The following COG5 variants were observed in gnomAD, a reference collection of about 807,000 sequenced individuals.
COG5 encodes the protein component of oligomeric golgi complex 5.
In COG5, 86 loss-of-function variants were observed where a neutral mutation model predicts 110.4. The observed-to-expected ratio is 0.78, with a 90% CI of 0.65 to 0.93. COG5 has a LOEUF of 0.93. Among genes scored for constraint, COG5 ranks in the 40% least tolerant of loss-of-function variants. The pLI, the probability that COG5 is intolerant of heterozygous loss-of-function variation, is 0.00. For synonymous variants in COG5, 360 were observed against 334.6 expected, an observed-to-expected ratio of 1.08 and a Z score of -0.83; for missense variants, 1,077 against 987.0, an observed-to-expected ratio of 1.09 and a Z score of -1.22.
chr7:107,549,558 ATTT>A (rs764100280), intron 3 of COG5, among the ~76,000 whole-genome samples: 3 of 137,720 alleles, frequency 2.2e-5, no homozygotes, highest in Non-Finnish European at 3.1e-5. Flanking sequence ...CGCCCAGCTA[ATTT>A]TTTTTTTTTT....
chr7:107,201,904 A>T lies in COG5; in HGVS notation c.*1612T>A, dbSNP rs1798347588. On this transcript the variant is annotated 3_prime_UTR_variant, in exon 22 of 22. Coordinates refer to ENST00000297135, the MANE Select transcript of COG5 (RefSeq NM_006348.5). The stretch of plus-strand genomic sequence containing the variant: ...CGGCCTTTCCTCTAGTAACCACCAC[A>T]TGGCTCAGCATCTGTGCCAAACATA... The T allele has an allele frequency of 6.5e-6, 1 of 153,110 alleles. No homozygotes were observed. The highest frequency in any genetic ancestry group is 2.1e-4 in the South Asian group (1 of 4,844). The allele number at this position is 153,110 out of a possible 1,614,324, so 9.5% of individuals were successfully genotyped here. A position where few individuals can be genotyped will look rare whatever the true frequency, so the allele number is the denominator to read the frequency against.
chr7:107,412,598 T>A lies in COG5; in HGVS notation c.573A>T (p.Ile191=), dbSNP rs1047776243. 1.9e-6 allele frequency: 3 copies of A among 1,576,934 alleles called. No individual in the cohort carries two copies. The highest frequency in any genetic ancestry group is 2.6e-6 in the Non-Finnish European group (3 of 1,147,204). The change falls in exon 7 of 22, where the codon ATA becomes ATT. Residue 191 remains isoleucine (I), a synonymous_variant. Transcript: ENST00000297135. ...YLSQGIDLSG[I]EVIENDLLFI... is the part of the protein sequence containing the mutation. Reference sequence around the variant, plus strand: ...AAAGTAGATCATTTTCTATCACTTCTATTCCAGAAAGATCTATTCCTTGAG... The same window carrying A: ...AAAGTAGATCATTTTCTATCACTTCAATTCCAGAAAGATCTATTCCTTGAG...
chr7:107,563,490 G>A, intron 1 of COG5: 1 of 436,282 alleles, frequency 2.3e-6, no homozygotes, highest in Non-Finnish European at 4.3e-6. Context: ...GCCGGTGGCT[G>A]CCAACGCGGT....
intron 19 of COG5, among the ~76,000 whole-genome samples, chr7:107,221,973 T>A (rs1799963696): frequency 6.6e-6 from 1 of 152,080 alleles, no homozygotes; most frequent in South Asian, 2.1e-4. Context: ...TTCCAATATA[T>A]TCTTGACGCA....
Position 107,230,703 on chromosome 7 carries a change from A to G in COG5, c.2092-12T>C. ...ACAGCCAACTCCATCTGAAATATTA[A>G]AATATACTCCATTGTTGTAATGTCA... is the stretch of plus-strand genomic sequence containing the variant. On this transcript the variant is annotated splice_polypyrimidine_tract_variant and intron_variant, in intron 18 of 21. Transcript: ENST00000297135. The G allele has an allele frequency of 6.3e-7, 1 of 1,579,982 alleles. No homozygotes were observed. Among genetic ancestry groups the G allele is most frequent in the South Asian group, 1.1e-5 (1 of 90,404 alleles).
At position 107,385,324 on chromosome 7, in the gene COG5, T is replaced by C. The variant is rs577195233; in HGVS notation, c.670-12564A>G. 8.5e-5 allele frequency among the ~76,000 whole-genome samples: 13 copies of C among 152,320 alleles called. No individual in the cohort carries two copies. The East Asian group carries it at 1.5e-3, about 18-fold the overall frequency. On this transcript the variant is annotated intron_variant, in intron 7 of 21. Coordinates refer to ENST00000297135, the MANE Select transcript of COG5 (RefSeq NM_006348.5). ...GAACTGTGAGAAAATACGTTTCTAT[T>C]GTTTTAAGCCACCCCAGTTGTGGCA...
rs1813203108 is a variant in COG5, at chr7:107,362,405, G to C, written c.851C>G (p.Ser284Cys). 6.2e-7 allele frequency: 1 copy of C among 1,613,050 alleles called. No homozygotes were observed. The highest frequency in any genetic ancestry group is 1.1e-5 in the South Asian group (1 of 91,072). Residue 284 changes from serine (S) to cysteine (C), a missense_variant, in exon 9 of 22, where the codon TCT becomes TGT. Ser to Cys is a moderately radical substitution (Grantham distance 112). Transcript: ENST00000297135. ...QSAVRGGPGRSTMPTPGNTAA... is the reference protein window; with the variant it reads ...QSAVRGGPGRCTMPTPGNTAA... ...AGTATTTCCTGGGGTTGGCATGGTA[G>C]ATCGTCCAGGTCCCCCTGGTTATGA...
rs1802589212 is a variant in COG5, at chr7:107,548,123, T to C, written c.405A>G (p.Leu135=). Residue 135 remains leucine, a synonymous_variant, in exon 5 of 22, where the codon CTA becomes CTG. Coordinates refer to ENST00000297135, the MANE Select transcript of COG5 (RefSeq NM_006348.5). ...YNKIVARTAQ[L]ARLQVACDLL... ...AGTAAGAAACTACCTGAAGTCTTGCTAGTTGTGCAGTCCGGGCAACTATCT... is the reference window on the plus strand; with the variant it reads ...AGTAAGAAACTACCTGAAGTCTTGCCAGTTGTGCAGTCCGGGCAACTATCT... 1 of 1,613,492 alleles carries C rather than the reference T, an allele frequency of 6.2e-7. No homozygotes were observed. Among genetic ancestry groups the C allele is most frequent in the South Asian group, 1.1e-5 (1 of 91,018 alleles).
At position 107,203,054 on chromosome 7, in the gene COG5, G is replaced by A. The variant is rs968822130; in HGVS notation, c.*462C>T. The A allele has an allele frequency of 1.8e-5, 3 of 166,162 alleles. No individual in the cohort carries two copies. Among genetic ancestry groups the A allele is most frequent in the Non-Finnish European group, 3.9e-5 (3 of 76,124 alleles). 10.3% of individuals were successfully genotyped at this position (166,162 alleles called of 1,614,324 possible). A position where few individuals can be genotyped will look rare whatever the true frequency, so the allele number is the denominator to read the frequency against. On this transcript the variant is annotated 3_prime_UTR_variant, in exon 22 of 22. Transcript: ENST00000297135. Reference sequence around the variant, plus strand: ...AATGTGGAGTGCAAGTTGGGCATCAGGATTTTAAAAAAATCCCCTGGTGAT... The same window carrying A: ...AATGTGGAGTGCAAGTTGGGCATCAAGATTTTAAAAAAATCCCCTGGTGAT...
chr7:107,327,175 C>T (rs541848280), intron 10 of COG5, among the ~76,000 whole-genome samples: 118 of 151,922 alleles, frequency 7.8e-4, no homozygotes, highest in Non-Finnish European at 1.4e-3. Context: ...AACAAGGGTG[C>T]CAAGGCTACA....
At chr7:107,337,208 A>T (rs768782516) in intron 10 of COG5, among the ~76,000 whole-genome samples, 2 of 152,204 alleles carry the variant, frequency 1.3e-5, no homozygotes, top group African/African-American at 2.4e-5. Flanking sequence ...TGGAAAGGTA[A>T]ATTAGTGTAG....
chr7:107,376,847 T>C (rs1225260535), intron 7 of COG5, among the ~76,000 whole-genome samples: 1 of 152,118 alleles, frequency 6.6e-6, no homozygotes, highest in Admixed American at 6.5e-5. Flanking sequence ...TGATTTTGAA[T>C]GTTATTAAGT....
At chr7:107,488,692 C>G (rs576993775) in intron 6 of COG5, among the ~76,000 whole-genome samples, 2 of 151,744 alleles carry the variant, frequency 1.3e-5, no homozygotes, top group East Asian at 3.9e-4. Context: ...ACAAAAAATA[C>G]AAAAATTAGT....
chr7:107,533,294 G>A (rs1181613836), intron 5 of COG5, among the ~76,000 whole-genome samples: 1 of 151,508 alleles, frequency 6.6e-6, no homozygotes, highest in African/African-American at 2.4e-5. Flanking sequence ...ACCAGCAAGG[G>A]AACAAAAGTG....
intron 12 of COG5, among the ~76,000 whole-genome samples, chr7:107,285,255 G>C (rs1034272709): frequency 2.0e-5 from 3 of 152,132 alleles, no homozygotes; most frequent in Non-Finnish European, 4.4e-5. Context: ...AAAGAACTTA[G>C]TATCTAAATG....
chr7:107,391,416 A>C (rs1054299623), intron 7 of COG5, among the ~76,000 whole-genome samples: 2 of 152,180 alleles, frequency 1.3e-5, no homozygotes, highest in African/African-American at 4.8e-5. Context: ...CAAATATTTC[A>C]GCCTGTTCTA....
chr7:107,506,430 T>G (rs1265156623), intron 6 of COG5, among the ~76,000 whole-genome samples: 1 of 152,114 alleles, frequency 6.6e-6, no homozygotes, highest in Non-Finnish European at 1.5e-5. Context: ...AGGTCCCTGC[T>G]CTGACTCTCC....
intron 10 of COG5, among the ~76,000 whole-genome samples, chr7:107,343,775 C>T (rs1183418970): frequency 1.3e-5 from 2 of 152,068 alleles, no homozygotes; most frequent in African/African-American, 4.8e-5. Flanking sequence ...GTTATGTTAG[C>T]ATGCATGAAA....
intron 17 of COG5, among the ~76,000 whole-genome samples, chr7:107,240,467 C>T (rs1015911876): frequency 2.6e-5 from 4 of 152,154 alleles, no homozygotes; most frequent in African/African-American, 9.7e-5. Flanking sequence ...CTGCCTGCCT[C>T]GGCCTCCGAA....
Sources: allele counts gnomAD v4.1 joint callset (sites outside exome capture counted in the v4.1 genomes callset), GRCh38; gene constraint gnomAD v4.1.1; transcripts MANE v1.5; gene names NCBI Gene and HGNC (gene_info 2026-07-23, HGNC 2026-07-21).